REEP1: variants seen among roughly 807,000 people sequenced by gnomAD.
REEP1 encodes the protein receptor expression-enhancing protein 1.
A neutral mutation model predicts 40.3 loss-of-function variants in REEP1; 22 were observed. The observed-to-expected ratio is 0.55, with a 90% CI of 0.39 to 0.78. The LOEUF (loss-of-function observed/expected upper bound fraction) is 0.78. Among genes scored for constraint, REEP1 ranks in the 30% least tolerant of loss-of-function variants. The pLI, the probability that REEP1 is intolerant of heterozygous loss-of-function variation, is 0.00. For synonymous variants in REEP1, 116 were observed against 139.2 expected (o/e 0.83, Z 1.17); for missense variants, 280 against 361.1 (o/e 0.78, Z 1.82).
rs1674332277 is a variant in REEP1, at chr2:86,219,999, C to G, written c.754G>C (p.Ala252Pro). 1.6e-6 allele frequency: 2 copies of G among 1,232,110 alleles called. No individual in the cohort carries two copies. Among genetic ancestry groups the G allele is most frequent in the Admixed American group, 4.2e-5 (1 of 23,688 alleles). The allele number at this position is 1,232,110 out of a possible 1,614,324, so 76.3% of individuals were successfully genotyped here. A position where few individuals can be genotyped will look rare whatever the true frequency, so the allele number is the denominator to read the frequency against. The stretch of plus-strand genomic sequence containing the variant: ...AGGGGCAATTCCATCCTTCGAGGTG[C>G]TTTATACTTGTACATGAAATCCAGC... ...DLLDFMYKYK[A>P]PRRMELPLEA... The change falls in exon 8 of 9, where the codon GCA (alanine) becomes CCA (proline). Residue 252 changes from alanine (A) to proline (P), a missense_variant. Ala to Pro is a conservative substitution (Grantham distance 27, BLOSUM62 -1). This residue lies in a region of REEP1 where 201 missense variants were observed against 238.5 expected (regional missense o/e 0.84). Coordinates refer to ENST00000538924, the MANE Select transcript of REEP1 (RefSeq NM_001371279.1).
chr2:86,257,152 T>C (rs1371627608), intron 3 of REEP1, among the ~76,000 whole-genome samples: 1 of 152,208 alleles, frequency 6.6e-6, no homozygotes, highest in Non-Finnish European at 1.5e-5. Flanking sequence ...TTGAATACTC[T>C]GGTGATTAAT....
chr2:86,239,726 T>C (rs1675570278), intron 5 of REEP1, among the ~76,000 whole-genome samples: 1 of 152,112 alleles, frequency 6.6e-6, no homozygotes, highest in Admixed American at 6.5e-5. Flanking sequence ...ATAGCATCCA[T>C]CATCAAATTC....
intron 2 of REEP1, 137 bp downstream of exon 2, chr2:86,282,033 T>A (rs1484811457): frequency 1.1e-5 from 8 of 727,790 alleles, no homozygotes; most frequent in Non-Finnish European, 2.1e-5. Context: ...TCCTGAGATG[T>A]CTCATGAGAA....
chr2:86,285,553 G>A (rs931420803), intron 1 of REEP1, among the ~76,000 whole-genome samples: 3 of 152,140 alleles, frequency 2.0e-5, no homozygotes, highest in South Asian at 4.1e-4. Flanking sequence ...CTGGGACACC[G>A]AGGCTTAGCA....
chr2:86,218,134 A>AC (rs1558864280), intron 8 of REEP1, among the ~76,000 whole-genome samples: 2 of 151,924 alleles, frequency 1.3e-5, no homozygotes, highest in Non-Finnish European at 2.9e-5. Context: ...CCTCTTGAGG[A>AC]CCCAGCTCAA....
At chr2:86,272,165 T>C (rs1677492805) in intron 2 of REEP1, among the ~76,000 whole-genome samples, 1 of 152,188 alleles carries the variant, frequency 6.6e-6, no homozygotes, top group Non-Finnish European at 1.5e-5. Context: ...GAGGTTACAG[T>C]GAGCCAAGAG....
chr2:86,242,600 G>T (rs912700645), intron 5 of REEP1, among the ~76,000 whole-genome samples: 4 of 152,154 alleles, frequency 2.6e-5, no homozygotes, highest in African/African-American at 9.7e-5. Flanking sequence ...CAAAGGCAGA[G>T]GCAAGAAAGA....
At chr2:86,317,426 T>A (rs1680069582) in intron 1 of REEP1, among the ~76,000 whole-genome samples, 1 of 152,242 alleles carries the variant, frequency 6.6e-6, no homozygotes, top group African/African-American at 2.4e-5. Flanking sequence ...ATCTACAGAC[T>A]CCTAGGGGAT....
chr2:86,314,779 C>A (rs959906676), intron 1 of REEP1, among the ~76,000 whole-genome samples: 1 of 148,708 alleles, frequency 6.7e-6, no homozygotes, highest in African/African-American at 2.5e-5. Flanking sequence ...TTGAGCCCAA[C>A]AAGCAGATGC....
chr2:86,331,169 C>A (rs1680745025), intron 1 of REEP1, among the ~76,000 whole-genome samples: 1 of 152,170 alleles, frequency 6.6e-6, no homozygotes, highest in Non-Finnish European at 1.5e-5. Flanking sequence ...GCTTTAGATG[C>A]CTCAGCCCTA....
rs968870868 is a variant in REEP1, at chr2:86,282,474, A to T, written c.33-232T>A. 6.1e-4 allele frequency among the ~76,000 whole-genome samples: 92 copies of T among 152,060 alleles called. 1 individual carries two copies. Among genetic ancestry groups the T allele is most frequent in the Admixed American group, 3.0e-3 (46 of 15,268 alleles). The stretch of plus-strand genomic sequence containing the variant: ...ACCTCCCTTCAACCTGTGGTCTGGC[A>T]ACATGGAAGGGTGGTTGGGGGTCAT... On this transcript the variant is annotated intron_variant, in intron 1 of 8. Coordinates refer to ENST00000538924, the MANE Select transcript of REEP1 (RefSeq NM_001371279.1).
At chr2:86,338,083 C>T (rs1558945557), upstream of REEP1, 4 of 1,537,264 alleles carry the variant, frequency 2.6e-6, no homozygotes, top group Non-Finnish European at 3.5e-6. Flanking sequence ...GCATAAGAAA[C>T]AAACCTGGGC....
At chr2:86,325,705 G>A (rs1049398322) in intron 1 of REEP1, among the ~76,000 whole-genome samples, 52 of 152,266 alleles carry the variant, frequency 3.4e-4, no homozygotes, top group African/African-American at 1.2e-3. Context: ...GTGTCCCCTG[G>A]AACTTCCACA....
intron 1 of REEP1, among the ~76,000 whole-genome samples, chr2:86,335,158 T>C (rs921456652): frequency 3.3e-5 from 5 of 152,240 alleles, no homozygotes; most frequent in Non-Finnish European, 7.3e-5. Flanking sequence ...GAATATGCCC[T>C]CCATCATTAT....
At chr2:86,303,784 G>C (rs774433966) in intron 1 of REEP1, among the ~76,000 whole-genome samples, 1 of 152,164 alleles carries the variant, frequency 6.6e-6, no homozygotes, top group Non-Finnish European at 1.5e-5. Context: ...CATTTCAGGA[G>C]GGGAGAACAG....
At chr2:86,246,927 C>T (rs1226972756) in intron 5 of REEP1, among the ~76,000 whole-genome samples, 2 of 152,106 alleles carry the variant, frequency 1.3e-5, no homozygotes, top group Non-Finnish European at 2.9e-5. Flanking sequence ...TTTCAAACAC[C>T]CAACCTCAGG....
intron 3 of REEP1, chr2:86,255,024 C>T (rs138173911): frequency 6.8e-5 from 34 of 499,308 alleles, no homozygotes; most frequent in Admixed American, 1.0e-4. Context: ...AAAACCAGTT[C>T]GTGTTTTCTT....
intron 6 of REEP1, among the ~76,000 whole-genome samples, chr2:86,231,334 G>A (rs560614740): frequency 3.3e-5 from 5 of 152,314 alleles, no homozygotes; most frequent in South Asian, 4.1e-4. Flanking sequence ...GCAGTGACAG[G>A]GTTAAAACAT....
At chr2:86,237,463 C>T in intron 5 of REEP1, among the ~76,000 whole-genome samples, 1 of 152,178 alleles carries the variant, frequency 6.6e-6, no homozygotes, top group East Asian at 1.9e-4. Flanking sequence ...GAGATCTTAA[C>T]CACTTATTGT....
Sources: allele counts gnomAD v4.1 joint callset (sites outside exome capture counted in the v4.1 genomes callset), GRCh38; gene constraint gnomAD v4.1.1; regional missense constraint gnomAD v4.1.1; transcripts MANE v1.5; gene names NCBI Gene and HGNC (gene_info 2026-07-23, HGNC 2026-07-21).